EPB41L4B: variants seen among roughly 807,000 people sequenced by gnomAD.
EPB41L4B encodes the protein erythrocyte membrane protein band 4.1 like 4B.
Under a neutral mutation model 112.5 loss-of-function variants are expected in EPB41L4B, and 30 were observed. The observed-to-expected ratio is 0.27, with a 90% CI of 0.20 to 0.36. The LOEUF is 0.36. Among genes scored for constraint, EPB41L4B ranks in the 10% least tolerant of loss-of-function variants. The pLI, the probability that EPB41L4B is intolerant of heterozygous loss-of-function variation, is 1.00. For missense variants in EPB41L4B, 1,024 were observed against 1,133.3 expected, an observed-to-expected ratio of 0.90 and a Z score of 1.38; for synonymous variants, 408 against 439.7, an observed-to-expected ratio of 0.93 and a Z score of 0.90.
chr9:109,281,710 AAATAAATAAATAAATTAATTAATT>A (rs1355082810), intron 1 of EPB41L4B, among the ~76,000 whole-genome samples: 8 of 127,622 alleles, frequency 6.3e-5, no homozygotes, highest in Non-Finnish European at 1.1e-4. Context: ...ATAAATAAAT[AAATAAATAAATAAATTAATTAATT>A]AATTTTAAAA....
At chr9:109,306,487 G>A (rs1055419910) in intron 1 of EPB41L4B, among the ~76,000 whole-genome samples, 6 of 152,172 alleles carry the variant, frequency 3.9e-5, no homozygotes, top group Non-Finnish European at 8.8e-5. Context: ...GGTGGTAGGC[G>A]CCTGTAATCC....
At chr9:109,310,360 G>C (rs1323566792) in intron 1 of EPB41L4B, among the ~76,000 whole-genome samples, 1 of 151,456 alleles carries the variant, frequency 6.6e-6, no homozygotes, top group African/African-American at 2.4e-5. Flanking sequence ...GGAGGGAGGG[G>C]AATGTGACTG....
intron 16 of EPB41L4B, 100 bp downstream of exon 16, chr9:109,216,822 G>T: frequency 8.4e-7 from 1 of 1,189,340 alleles, no homozygotes; most frequent in African/African-American, 1.5e-5. Flanking sequence ...CAACCATTGT[G>T]TGCTGCACCG....
intron 14 of EPB41L4B, among the ~76,000 whole-genome samples, chr9:109,245,716 CT>C (rs1020597991): frequency 3.3e-5 from 5 of 152,338 alleles, no homozygotes; most frequent in African/African-American, 1.2e-4. Flanking sequence ...CTCAAATACC[CT>C]TCACGGTATT....
intron 15 of EPB41L4B, among the ~76,000 whole-genome samples, chr9:109,225,856 G>C (rs1270737548): frequency 4.6e-5 from 7 of 152,222 alleles, no homozygotes; most frequent in Non-Finnish European, 8.8e-5. Context: ...CATGTGCTAA[G>C]GCCTGGAGTT....
At chr9:109,304,757 C>G (rs1438385665) in intron 1 of EPB41L4B, among the ~76,000 whole-genome samples, 1 of 152,150 alleles carries the variant, frequency 6.6e-6, no homozygotes, top group East Asian at 1.9e-4. Context: ...ACTTTGAAAA[C>G]ATAATGCTGA....
At chr9:109,211,377 T>C (rs1387151178) in intron 17 of EPB41L4B, among the ~76,000 whole-genome samples, 1 of 152,004 alleles carries the variant, frequency 6.6e-6, no homozygotes, top group African/African-American at 2.4e-5. Context: ...TGTGGATCAC[T>C]TGAGGCCAGG....
intron 19 of EPB41L4B, among the ~76,000 whole-genome samples, chr9:109,201,867 A>G (rs546997042): frequency 6.6e-6 from 1 of 152,224 alleles, no homozygotes; most frequent in Non-Finnish European, 1.5e-5. Context: ...CAACTCTCTA[A>G]AGGTTTTAGG....
intron 18 of EPB41L4B, 111 bp from the exon 19 acceptor site, chr9:109,203,841 AG>A: frequency 2.4e-6 from 2 of 821,752 alleles, no homozygotes; most frequent in Non-Finnish European, 4.2e-6. Flanking sequence ...TGGACCAAAG[AG>A]GTAGTTCACC....
rs752403352 is a variant in EPB41L4B, at chr9:109,321,008, AGCCGCCGCC to A, written c.-571_-563del. 164 of 181,272 alleles carry A rather than the reference AGCCGCCGCC, an allele frequency of 9.0e-4. No homozygotes were observed. The highest frequency in any genetic ancestry group is 1.9e-3 in the African/African-American group (77 of 39,872). 11.2% of individuals were successfully genotyped at this position (181,272 alleles called of 1,614,324 possible). On this transcript the variant is annotated 5_prime_UTR_variant, in exon 1 of 26. Transcript: ENST00000374566. ...CTCCCACCTGGGAGGCTGCACCTCCAGCCGCCGCCGCCGCCGCCGCCGCCGCTGCCGCCG... is the reference window on the plus strand; with the variant it reads ...CTCCCACCTGGGAGGCTGCACCTCCAGCCGCCGCCGCCGCCGCTGCCGCCG...
intron 15 of EPB41L4B, among the ~76,000 whole-genome samples, chr9:109,222,932 A>G (rs1019084101): frequency 6.6e-6 from 1 of 152,108 alleles, no homozygotes; most frequent in Non-Finnish European, 1.5e-5. Flanking sequence ...CCCTTTTCTC[A>G]GGGGAAGACC....
At chr9:109,226,634 A>AATATATATAT (rs879781420) in intron 15 of EPB41L4B, among the ~76,000 whole-genome samples, 1 of 117,058 alleles carries the variant, frequency 8.5e-6, no homozygotes, top group African/African-American at 3.4e-5. Flanking sequence ...ATATATGAAG[A>AATATATATAT]ATATATATAT....
intron 15 of EPB41L4B, among the ~76,000 whole-genome samples, chr9:109,225,850 T>C (rs1295931207): frequency 1.3e-5 from 2 of 152,184 alleles, no homozygotes; most frequent in Admixed American, 1.3e-4. Context: ...GCACTGCATG[T>C]GCTAAGGCCT....
chr9:109,202,842 T>C (rs1299523683), intron 19 of EPB41L4B, among the ~76,000 whole-genome samples: 2 of 152,214 alleles, frequency 1.3e-5, no homozygotes, highest in Non-Finnish European at 2.9e-5. Context: ...AAGTTACACT[T>C]GTACCCCATA....
chr9:109,192,294 G>A lies in EPB41L4B; in HGVS notation c.2285C>T (p.Thr762Ile). Residue 762 changes from threonine (T) to isoleucine (I), a missense_variant, in exon 22 of 26, where the codon ACA becomes ATA. Coordinates refer to ENST00000374566, the MANE Select transcript of EPB41L4B (RefSeq NM_019114.5). The part of the protein sequence containing the change: ...LEPGDLLMDF[T>I]EATPLAEPAS... ...GAAGTTTACCAGAGGAGTGGCTTCT[G>A]TGAAATCCATCAGAAGATCACCCGG... The A allele has an allele frequency of 1.2e-6, 2 of 1,610,574 alleles. No homozygotes were observed. The highest frequency in any genetic ancestry group is 1.7e-5 in the Admixed American group (1 of 59,428).
At chr9:109,195,056 G>A (rs901786993) in intron 20 of EPB41L4B, among the ~76,000 whole-genome samples, 1 of 152,166 alleles carries the variant, frequency 6.6e-6, no homozygotes, top group African/African-American at 2.4e-5. Flanking sequence ...CACTTGGCTT[G>A]TTCCCACTCT....
intron 24 of EPB41L4B, 28 bp from the exon 25 acceptor site, chr9:109,176,724 C>A: frequency 6.2e-7 from 1 of 1,612,654 alleles, no homozygotes; most frequent in Non-Finnish European, 8.5e-7. Context: ...AAGAGGAGAT[C>A]AATCTCAATT....
intron 1 of EPB41L4B, among the ~76,000 whole-genome samples, chr9:109,296,717 T>A (rs1256059140): frequency 6.6e-6 from 1 of 151,128 alleles, no homozygotes; most frequent in Non-Finnish European, 1.5e-5. Flanking sequence ...CAGACCTCCA[T>A]CTCTACACAA....
chr9:109,305,673 AGC>A (rs1564334090), intron 1 of EPB41L4B, among the ~76,000 whole-genome samples: 2 of 152,036 alleles, frequency 1.3e-5, no homozygotes, highest in Non-Finnish European at 2.9e-5. Flanking sequence ...CTGTAATCCT[AGC>A]ACTTTGGGAG....
Sources: allele counts gnomAD v4.1 joint callset (sites outside exome capture counted in the v4.1 genomes callset), GRCh38; gene constraint gnomAD v4.1.1; transcripts MANE v1.5; gene names NCBI Gene and HGNC (gene_info 2026-07-23, HGNC 2026-07-21).